FBXO11: variants seen among roughly 807,000 people sequenced by gnomAD.
The protein encoded by FBXO11 is F-box only protein 11.
In FBXO11, 13 loss-of-function variants were observed where a neutral mutation model predicts 117.0. The observed-to-expected ratio is 0.11, with a 90% confidence interval of 0.07 to 0.18. FBXO11 has a LOEUF of 0.18. Ranked by LOEUF, FBXO11 falls within the 10% of genes least tolerant of loss-of-function variation. FBXO11 has a pLI of 1.00. For missense variants in FBXO11, 767 were observed against 1,164.4 expected, an observed-to-expected ratio of 0.66 and a Z score of 4.97; for synonymous variants, 490 against 380.5, an observed-to-expected ratio of 1.29 and a Z score of -3.35.
At position 47,809,711 on chromosome 2, in the gene FBXO11, A is replaced by T; in HGVS notation, c.2339-4T>A. 6.2e-7 allele frequency: 1 copy of T among 1,600,894 alleles called. No homozygotes were observed. The highest frequency in any genetic ancestry group is 8.6e-7 in the Non-Finnish European group (1 of 1,168,992). Reference sequence around the variant, plus strand: ...GCGTGATTTGTAATTTCAATACCTGAAGTAAAATTTACAAACAAGTAGATA... The same window carrying T: ...GCGTGATTTGTAATTTCAATACCTGTAGTAAAATTTACAAACAAGTAGATA... On this transcript the variant is annotated splice_polypyrimidine_tract_variant and splice_region_variant and intron_variant, in intron 19 of 22. Coordinates refer to ENST00000403359, the MANE Select transcript of FBXO11 (RefSeq NM_001190274.2).
In FBXO11 at chr2:47,886,221, C is replaced by A. The variant is rs181088953; in HGVS notation, c.232+19268G>T. Among the ~76,000 whole-genome samples the A allele has an allele frequency of 5.2e-4, 79 of 152,128 alleles. 1 individual carries two copies. The highest frequency in any genetic ancestry group is 1.7e-3 in the African/African-American group (70 of 41,514). On this transcript the variant is annotated intron_variant, in intron 1 of 22. Transcript: ENST00000403359. ...CAATAACCCACTTTTAAAAAGTGAA[C>A]CTTTCGCCAGGCACGGTGCCTCACG... is the stretch of plus-strand genomic sequence containing the variant.
intron 1 of FBXO11, chr2:47,888,558 G>C (rs943006921): frequency 8.0e-5 from 29 of 362,014 alleles, no homozygotes; most frequent in African/African-American, 8.9e-5. Flanking sequence ...TATATAATAG[G>C]AAAAAAATAG....
At chr2:47,885,885 T>C (rs1676798784) in intron 1 of FBXO11, among the ~76,000 whole-genome samples, 1 of 152,224 alleles carries the variant, frequency 6.6e-6, no homozygotes, top group South Asian at 2.1e-4. Context: ...TGGATACTCA[T>C]TCCTCAAGGT....
chr2:47,818,802 A>T lies in FBXO11; in HGVS notation c.1983T>A (p.His661Gln). ...GVLEDNDIYN[H>Q]MYSGVQIRTG... ...ACCTTATCTGAACCCCTGAATACATATGATTATAGATATCATTGTCTTCTA... is the reference window on the plus strand; with the variant it reads ...ACCTTATCTGAACCCCTGAATACATTTGATTATAGATATCATTGTCTTCTA... Residue 661 changes from histidine to glutamine, a missense_variant, in exon 16 of 23, where the codon CAT (histidine) becomes CAA (glutamine). Coordinates refer to ENST00000403359, the MANE Select transcript of FBXO11 (RefSeq NM_001190274.2). 1 of 1,588,288 alleles carries T rather than the reference A, an allele frequency of 6.3e-7. No individual in the cohort carries two copies. Among genetic ancestry groups the T allele is most frequent in the African/African-American group, 1.4e-5 (1 of 73,130 alleles).
rs144082709 is a variant in FBXO11, at chr2:47,809,073, A to C, written c.2555+85T>G. ...AGTTAGTTATAGTCTCAACACCGGCAAATAGCCAAAAATGCTAGGCATTGC... is the reference window on the plus strand; with the variant it reads ...AGTTAGTTATAGTCTCAACACCGGCCAATAGCCAAAAATGCTAGGCATTGC... On this transcript the variant is annotated intron_variant, in intron 21 of 22. Coordinates refer to ENST00000403359, the MANE Select transcript of FBXO11 (RefSeq NM_001190274.2). 3.1e-4 allele frequency: 251 copies of C among 820,062 alleles called. 1 individual carries two copies. In the African/African-American group the frequency reaches 3.8e-3, roughly 12 times the overall value. The allele number at this position is 820,062 out of a possible 1,614,324, so 50.8% of individuals were successfully genotyped here.
At chr2:47,852,705 T>C (rs1438096115) in intron 1 of FBXO11, among the ~76,000 whole-genome samples, 3 of 152,218 alleles carry the variant, frequency 2.0e-5, no homozygotes, top group Non-Finnish European at 4.4e-5. Context: ...GTGCCACTAC[T>C]GCTAACAGTG....
rs1265203755 is a variant in FBXO11, at chr2:47,807,110, A to G, written c.*1008T>C. 2.1e-5 allele frequency: 10 copies of G among 486,344 alleles called. No homozygotes were observed. The highest frequency in any genetic ancestry group is 2.9e-5 in the Non-Finnish European group (8 of 273,344). 30.1% of individuals were successfully genotyped at this position (486,344 alleles called of 1,614,324 possible). On this transcript the variant is annotated 3_prime_UTR_variant, in exon 23 of 23. Coordinates refer to ENST00000403359, the MANE Select transcript of FBXO11 (RefSeq NM_001190274.2). ...TTTATACCCACTGTCACCAATACAC[A>G]TAAATGGGGGAGGAAAAGCTATGAA...
intron 1 of FBXO11, among the ~76,000 whole-genome samples, chr2:47,850,126 G>A (rs1419241580): frequency 6.6e-6 from 1 of 152,142 alleles, no homozygotes; most frequent in Non-Finnish European, 1.5e-5. Flanking sequence ...TGAGATACAA[G>A]ATAAAGCTCA....
intron 1 of FBXO11, among the ~76,000 whole-genome samples, chr2:47,847,446 C>T (rs970609356): frequency 4.6e-5 from 7 of 152,082 alleles, no homozygotes; most frequent in Admixed American, 2.6e-4. Flanking sequence ...TGGTGGCTCA[C>T]GCCTGTAATC....
chr2:47,889,398 A>G (rs1263988946), intron 1 of FBXO11, among the ~76,000 whole-genome samples: 1 of 152,164 alleles, frequency 6.6e-6, no homozygotes, highest in African/African-American at 2.4e-5. Flanking sequence ...AATTTAGTTG[A>G]TCTCTTTAAT....
chr2:47,883,084 A>C (rs971583058), intron 1 of FBXO11, among the ~76,000 whole-genome samples: 1 of 152,148 alleles, frequency 6.6e-6, no homozygotes, highest in South Asian at 2.1e-4. Flanking sequence ...TACAAGCTTT[A>C]CTCAAGTCTA....
At chr2:47,887,892 T>G (rs1235421444) in intron 1 of FBXO11, among the ~76,000 whole-genome samples, 3 of 152,040 alleles carry the variant, frequency 2.0e-5, no homozygotes, top group Non-Finnish European at 4.4e-5. Context: ...GGGACACACC[T>G]GTAGTCCTAG....
intron 1 of FBXO11, among the ~76,000 whole-genome samples, chr2:47,900,519 T>C (rs1678030041): frequency 6.8e-6 from 1 of 147,296 alleles, no homozygotes. Context: ...ATACAGCTCA[T>C]TCCTCATCAG....
chr2:47,857,761 T>G (rs1193487834), intron 1 of FBXO11, among the ~76,000 whole-genome samples: 2 of 152,134 alleles, frequency 1.3e-5, no homozygotes, highest in African/African-American at 4.8e-5. Context: ...GAACTCAAAG[T>G]CATTGAATGA....
intron 11 of FBXO11, 132 bp from the exon 12 acceptor site, chr2:47,823,492 C>T (rs541094964): frequency 1.7e-4 from 125 of 721,326 alleles, no homozygotes; most frequent in African/African-American, 8.2e-4. Context: ...TGGTGACTCA[C>T]GCCTGTTAAT....
At chr2:47,874,529 A>G (rs1675854911) in intron 1 of FBXO11, among the ~76,000 whole-genome samples, 1 of 152,112 alleles carries the variant, frequency 6.6e-6, no homozygotes, top group Non-Finnish European at 1.5e-5. Flanking sequence ...ACACCGTACA[A>G]AATTTAAAAA....
In FBXO11 at chr2:47,835,840, A is replaced by G. The variant is rs770113158; in HGVS notation, c.717+32T>C. 1.7e-5 allele frequency: 26 copies of G among 1,529,144 alleles called. 1 individual carries two copies. In the Admixed American group the frequency reaches 4.5e-4, roughly 26 times the overall value. 94.7% of individuals were successfully genotyped at this position (1,529,144 alleles called of 1,614,324 possible). ...AGAAAGTTATTTACAAATGTATAAT[A>G]TAAACCAATATATTCTATTTATATT... On this transcript the variant is annotated intron_variant, in intron 5 of 22. Transcript: ENST00000403359.
intron 5 of FBXO11, among the ~76,000 whole-genome samples, chr2:47,835,454 G>C (rs912195442): frequency 6.6e-6 from 1 of 152,064 alleles, no homozygotes; most frequent in African/African-American, 2.4e-5. Context: ...GAAAAGAATT[G>C]CTGAATATTC....
rs746665597 is a variant in FBXO11 at position 47,813,392 on chromosome 2, A to G, written c.2084-15T>C. ...ACAGCCTAGACCTATAAATGCAAAA[A>G]TGTAGGTTATCTAGAAGGTATATTT... On this transcript the variant is annotated splice_polypyrimidine_tract_variant and intron_variant, in intron 17 of 22. Coordinates refer to ENST00000403359, the MANE Select transcript of FBXO11 (RefSeq NM_001190274.2). 7.0e-7 allele frequency: 1 copy of G among 1,430,138 alleles called. No homozygotes were observed. The highest frequency in any genetic ancestry group is 9.5e-7 in the Non-Finnish European group (1 of 1,051,126). 88.6% of individuals were successfully genotyped at this position (1,430,138 alleles called of 1,614,324 possible).
Sources: allele counts gnomAD v4.1 joint callset (sites outside exome capture counted in the v4.1 genomes callset), GRCh38; gene constraint gnomAD v4.1.1; transcripts MANE v1.5; gene names NCBI Gene and HGNC (gene_info 2026-07-23, HGNC 2026-07-21).